Variants in LPCAT1 observed in about 807,000 individuals in gnomAD.
LPCAT1 encodes the protein lysophosphatidylcholine acyltransferase 1.
Under a neutral mutation model 60.9 loss-of-function variants are expected in LPCAT1, and 23 were observed. The ratio of observed to expected loss-of-function variants is 0.38; its 90% CI spans 0.27 to 0.53. LPCAT1 has a LOEUF of 0.53. Ranked by LOEUF, LPCAT1 falls within the 20% of genes least tolerant of loss-of-function variation. The probability of loss-of-function intolerance (pLI) is 0.82; values close to 1 mark genes in which losing one functional copy is unlikely to be tolerated. For synonymous variants in LPCAT1, 340 were observed against 301.1 expected (o/e 1.13, Z -1.34); for missense variants, 622 against 723.6 (o/e 0.86, Z 1.61).
chr5:1,494,931 T>C lies in LPCAT1; in HGVS notation c.279-17A>G. On this transcript the variant is annotated splice_polypyrimidine_tract_variant and intron_variant, in intron 2 of 13. Transcript: ENST00000283415. ...TCCACAACCCTGCAAAAGAGGGCGCTGCGTCACGCGGGCACACGTCCGCAG... is the reference window on the plus strand; with the variant it reads ...TCCACAACCCTGCAAAAGAGGGCGCCGCGTCACGCGGGCACACGTCCGCAG... 1 of 1,580,536 alleles carries C rather than the reference T, an allele frequency of 6.3e-7. No individual in the cohort carries two copies. Among genetic ancestry groups the C allele is most frequent in the Admixed American group, 1.8e-5 (1 of 55,962 alleles).
In LPCAT1 at chr5:1,487,437, G is replaced by A. The variant is rs999199820; in HGVS notation, c.667+954C>T. 1.5e-4 allele frequency among the ~76,000 whole-genome samples: 23 copies of A among 152,202 alleles called. 1 individual carries two copies. ...CTTGAAGCCTCTGGAAGCAAAACCTGCCATCTGCCTGCTGCACCAAGGAGG... is the reference window on the plus strand; with the variant it reads ...CTTGAAGCCTCTGGAAGCAAAACCTACCATCTGCCTGCTGCACCAAGGAGG... On this transcript the variant is annotated intron_variant, in intron 5 of 13. Coordinates refer to ENST00000283415, the MANE Select transcript of LPCAT1 (RefSeq NM_024830.5). The surrounding 1 kb of genome is among the most constrained non-coding windows in gnomAD (Gnocchi z 6.1).
At chr5:1,501,434 GGA>G (rs1560984665) in intron 2 of LPCAT1, 25 bp downstream of exon 2, 2 of 1,589,130 alleles carry the variant, frequency 1.3e-6, no homozygotes, top group East Asian at 2.3e-5. Flanking sequence ...CCCCCCAGGA[GGA>G]GAGCACGGCA....
In LPCAT1 at chr5:1,502,395, G is replaced by C. The variant is rs1326007208; in HGVS notation, c.136-792C>G. On this transcript the variant is annotated intron_variant, in intron 1 of 13. Transcript: ENST00000283415. This position sits in a 1 kb window ranked among gnomAD's most constrained non-coding sequence, Gnocchi z 5.5. ...GGGGGAGGTAGCTGGCCTGCAGTTT[G>C]CAAGGTTGGACCTCAGACCACAGAG... Among the ~76,000 whole-genome samples the C allele has an allele frequency of 2.0e-5, 3 of 152,206 alleles. No individual in the cohort carries two copies. In the East Asian group the frequency reaches 5.8e-4, roughly 29 times the overall value.
intron 13 of LPCAT1, among the ~76,000 whole-genome samples, 186 bp from the exon 14 acceptor site, chr5:1,464,021 C>T (rs964247742): frequency 3.3e-5 from 5 of 152,322 alleles, no homozygotes; most frequent in South Asian, 4.1e-4. Context: ...TTGCAGCGCA[C>T]GAAGTCACCC....
Position 1,483,938 on chromosome 5 carries a change from G to A in LPCAT1, c.668-452C>T, listed in dbSNP as rs546331007. On this transcript the variant is annotated intron_variant, in intron 5 of 13. Transcript: ENST00000283415. This position sits in a 1 kb window ranked among gnomAD's most constrained non-coding sequence, Gnocchi z 9.2. ...GGGACACTTTCTGCTGTAACATCGC[G>A]CACCAGCTGGAAGGCGTTGGTGGGA... Among the ~76,000 whole-genome samples, 15 of 152,296 alleles carry A rather than the reference G, an allele frequency of 9.8e-5. 1 individual carries two copies. In the South Asian group the frequency reaches 1.0e-3, roughly 11 times the overall value.
At chr5:1,509,461 T>C (rs13183225) in intron 1 of LPCAT1, among the ~76,000 whole-genome samples, 27,895 of 152,236 alleles carry the variant, frequency 0.18, 2,688 homozygotes, top group Middle Eastern at 0.3. Context: ...TCTTTTGCTT[T>C]TTCCTTTTAG....
chr5:1,473,870 ATATATT>A lies in LPCAT1; in HGVS notation c.1179+81_1179+86del, dbSNP rs776677629. On this transcript the variant is annotated intron_variant, in intron 11 of 13. Coordinates refer to ENST00000283415, the MANE Select transcript of LPCAT1 (RefSeq NM_024830.5). Reference sequence around the variant, plus strand: ...TCTCTGCTTTCAAATTCATGTGAAAATATATTTATATTAGAATGAGAACAATTTATG... The same window carrying A: ...TCTCTGCTTTCAAATTCATGTGAAAATATATTAGAATGAGAACAATTTATG... The A allele has an allele frequency of 2.9e-4, 427 of 1,488,682 alleles. 7 individuals are homozygous for A. The Middle Eastern group carries it at 4.3e-3, about 15-fold the overall frequency. The allele number at this position is 1,488,682 out of a possible 1,614,324, so 92.2% of individuals were successfully genotyped here.
In LPCAT1 at chr5:1,500,672, C is replaced by T. The variant is rs1020769314; in HGVS notation, c.278+789G>A. On this transcript the variant is annotated intron_variant, in intron 2 of 13. Coordinates refer to ENST00000283415, the MANE Select transcript of LPCAT1 (RefSeq NM_024830.5). Reference sequence around the variant, plus strand: ...TGGCCCTGGGGAGCAGGCCCACTGGCCGGAGCTTCTGCTTTTCCAAGACTG... The same window carrying T: ...TGGCCCTGGGGAGCAGGCCCACTGGTCGGAGCTTCTGCTTTTCCAAGACTG... 3.3e-5 allele frequency among the ~76,000 whole-genome samples: 5 copies of T among 152,276 alleles called. No individual in the cohort carries two copies. In the Middle Eastern group the frequency reaches 0.01, roughly 311 times the overall value.
At chr5:1,479,401 C>T (rs1358850620) in intron 8 of LPCAT1, 1 of 556,536 alleles carries the variant, frequency 1.8e-6, no homozygotes, top group South Asian at 2.4e-5. Flanking sequence ...AAACAAAAAC[C>T]CAAATCTTAT....
At chr5:1,484,453 G>A (rs550119024) in intron 5 of LPCAT1, among the ~76,000 whole-genome samples, 23 of 152,320 alleles carry the variant, frequency 1.5e-4, no homozygotes, top group East Asian at 3.9e-4. Flanking sequence ...CAGGACAGGC[G>A]GTCTGAGAAG....
In LPCAT1 at chr5:1,483,613, A is replaced by C; in HGVS notation, c.668-127T>G. On this transcript the variant is annotated intron_variant, in intron 5 of 13. Coordinates refer to ENST00000283415, the MANE Select transcript of LPCAT1 (RefSeq NM_024830.5). This position sits in a 1 kb window ranked among gnomAD's most constrained non-coding sequence, Gnocchi z 9.2. Reference sequence around the variant, plus strand: ...CTAGGCCTTCCTGGTCAGCAAGGGCACTCCATGCCTGGACTATCTCAACAT... The same window carrying C: ...CTAGGCCTTCCTGGTCAGCAAGGGCCCTCCATGCCTGGACTATCTCAACAT... 1 of 848,358 alleles carries C rather than the reference A, an allele frequency of 1.2e-6. No individual in the cohort carries two copies. The highest frequency in any genetic ancestry group is 2.2e-5 in the Admixed American group (1 of 45,372). The allele number at this position is 848,358 out of a possible 1,614,324, so 52.6% of individuals were successfully genotyped here. A position where few individuals can be genotyped will look rare whatever the true frequency, so the allele number is the denominator to read the frequency against.
intron 12 of LPCAT1, among the ~76,000 whole-genome samples, chr5:1,470,390 C>G (rs756854699): frequency 3.3e-5 from 5 of 151,940 alleles, no homozygotes; most frequent in Non-Finnish European, 5.9e-5. Flanking sequence ...ACCCCAGACT[C>G]CCCCAGTGGT....
Position 1,480,437 on chromosome 5 carries a change from G to T in LPCAT1, c.761+505C>A. 4.3e-6 allele frequency: 4 copies of T among 921,592 alleles called. No individual in the cohort carries two copies. The highest frequency in any genetic ancestry group is 5.2e-6 in the Non-Finnish European group (4 of 771,776). The allele number at this position is 921,592 out of a possible 1,614,324, so 57.1% of individuals were successfully genotyped here. On this transcript the variant is annotated intron_variant, in intron 7 of 13. Coordinates refer to ENST00000283415, the MANE Select transcript of LPCAT1 (RefSeq NM_024830.5). The surrounding 1 kb of genome is among the most constrained non-coding windows in gnomAD (Gnocchi z 6.4). The stretch of plus-strand genomic sequence containing the variant: ...GTCAGCACCCAGGAGGCCCTGACCA[G>T]CCTGTGGCCCCGGGCTTCTCCTCTG...
rs1328829598 is a variant in LPCAT1 at position 1,496,390 on chromosome 5, A to G, written c.279-1476T>C. 1.3e-5 allele frequency among the ~76,000 whole-genome samples: 2 copies of G among 148,740 alleles called. No individual in the cohort carries two copies. The highest frequency in any genetic ancestry group is 2.1e-4 in the South Asian group (1 of 4,696). ...AAACTAAACTAAAAAATAAAGATGT[A>G]CTCTTCTGTGCACATGTTATTTTCC... On this transcript the variant is annotated intron_variant, in intron 2 of 13. Transcript: ENST00000283415. This position sits in a 1 kb window ranked among gnomAD's most constrained non-coding sequence, Gnocchi z 4.7.
At chr5:1,516,123 G>C (rs531040433) in intron 1 of LPCAT1, among the ~76,000 whole-genome samples, 1 of 152,226 alleles carries the variant, frequency 6.6e-6, no homozygotes, top group Non-Finnish European at 1.5e-5. Context: ...TGGCAGTTGT[G>C]GGGGAGGCAG....
Position 1,513,970 on chromosome 5 carries a change from G to A in LPCAT1, c.135+9740C>T, listed in dbSNP as rs182314544. 2.7e-3 allele frequency among the ~76,000 whole-genome samples: 412 copies of A among 151,646 alleles called. 1 individual carries two copies. Among genetic ancestry groups the A allele is most frequent in the African/African-American group, 9.4e-3 (390 of 41,340 alleles). On this transcript the variant is annotated intron_variant, in intron 1 of 13. Transcript: ENST00000283415. ...TTCCACAGGCTCTCACCCGTGGGGC[G>A]GGACACCCTGCGATTACATTTCCTC...
intron 4 of LPCAT1, 79 bp downstream of exon 4, chr5:1,489,667 A>G: frequency 1.9e-6 from 2 of 1,046,132 alleles, no homozygotes; most frequent in East Asian, 2.4e-5. Context: ...GAAGGGCCCC[A>G]GTTTCTTTCT....
chr5:1,517,767 C>T (rs183435737), intron 1 of LPCAT1, among the ~76,000 whole-genome samples: 14 of 152,248 alleles, frequency 9.2e-5, no homozygotes, highest in African/African-American at 3.4e-4. Flanking sequence ...GACTACAGTT[C>T]GTCTAGGAAC....
In LPCAT1 at chr5:1,474,011, G is replaced by C; in HGVS notation, c.1125C>G (p.Ser375=). 6.2e-7 allele frequency: 1 copy of C among 1,614,164 alleles called. No homozygotes were observed. Among genetic ancestry groups the C allele is most frequent in the South Asian group, 1.1e-5 (1 of 91,086 alleles). Residue 375 remains serine (S), a synonymous_variant, in exon 11 of 14, where the codon TCC becomes TCG. Coordinates refer to ENST00000283415, the MANE Select transcript of LPCAT1 (RefSeq NM_024830.5). The part of the protein sequence containing the change: ...EKIGIAEFAA[S]LEVPVSDLLE... ...GCAAGTCAGAAACGGGGACTTCCAG[G>C]GAGGCGGCAAACTCCGCAATACCTA... is the stretch of plus-strand genomic sequence containing the variant.
Sources: allele counts gnomAD v4.1 joint callset (sites outside exome capture counted in the v4.1 genomes callset), GRCh38; gene constraint gnomAD v4.1.1; non-coding constraint Gnocchi (gnomAD v3.1); transcripts MANE v1.5; gene names NCBI Gene and HGNC (gene_info 2026-07-23, HGNC 2026-07-21).